Variants in FBLN7 observed in about 807,000 individuals in gnomAD.
The protein encoded by FBLN7 is fibulin-7.
FBLN7 carries 31 observed loss-of-function variants against 44.0 expected under a neutral mutation model. The observed-to-expected ratio is 0.70, with a 90% confidence interval of 0.53 to 0.95. The LOEUF is 0.95. FBLN7 is among the 40% of genes least tolerant of loss of function. The probability of loss-of-function intolerance (pLI) is 0.00; values close to 1 mark genes in which losing one functional copy is unlikely to be tolerated. For synonymous variants in FBLN7, 262 were observed against 253.4 expected, an observed-to-expected ratio of 1.03 and a Z score of -0.32; for missense variants, 573 against 618.5, an observed-to-expected ratio of 0.93 and a Z score of 0.78.
chr2:112,225,383 T>G, the FBLN7 span, among the ~76,000 whole-genome samples: 1 of 151,976 alleles, frequency 6.6e-6, no homozygotes, highest in East Asian at 1.9e-4. Flanking sequence ...GAGGCTTAGG[T>G]AGAAGGATTG....
intron 5 of FBLN7, 26 bp downstream of exon 5, chr2:112,181,902 T>G: frequency 6.5e-7 from 1 of 1,532,696 alleles, no homozygotes; most frequent in Non-Finnish European, 8.7e-7. Context: ...GCCAGGACAC[T>G]GGGGACAGCA....
chr2:112,150,799 C>T (rs1681121165), intron 1 of FBLN7, among the ~76,000 whole-genome samples: 1 of 152,186 alleles, frequency 6.6e-6, no homozygotes, highest in South Asian at 2.1e-4. Context: ...AGGTCCATAA[C>T]AAATGCTAAA....
intron 3 of FBLN7, among the ~76,000 whole-genome samples, chr2:112,174,945 T>C (rs1489174168): frequency 1.3e-5 from 2 of 152,054 alleles, no homozygotes; most frequent in Non-Finnish European, 2.9e-5. Context: ...ATGATTATTA[T>C]GGGAAAAGGG....
chr2:112,170,242 C>CAAACA (rs1001852614), intron 3 of FBLN7, among the ~76,000 whole-genome samples: 6 of 145,772 alleles, frequency 4.1e-5, no homozygotes, highest in East Asian at 2.0e-4. Flanking sequence ...AACTCCATCT[C>CAAACA]AAACAAAACA....
chr2:112,214,945 A>T, the FBLN7 span: 1 of 152,048 alleles, frequency 6.6e-6, no homozygotes, highest in East Asian at 1.9e-4. Context: ...TTTTTAACCT[A>T]CTCTATTTGA....
chr2:112,207,336 A>C, the FBLN7 span, among the ~76,000 whole-genome samples: 1 of 152,046 alleles, frequency 6.6e-6, no homozygotes, highest in Non-Finnish European at 1.5e-5. Context: ...GTGTGGTGGC[A>C]GGCACCTGTA....
At chr2:112,238,513 T>C in the FBLN7 span, 4 of 1,609,688 alleles carry the variant, frequency 2.5e-6, no homozygotes, top group South Asian at 2.2e-5. Context: ...TTTGGTGATA[T>C]TGCAGAGTGT....
the FBLN7 span, among the ~76,000 whole-genome samples, chr2:112,201,988 G>A: frequency 1.3e-5 from 2 of 152,186 alleles, no homozygotes; most frequent in Non-Finnish European, 2.9e-5. Flanking sequence ...ATATTATTAT[G>A]TAACAAATAT....
chr2:112,160,756 ACACGCACGCACACGCAGACGCACACG>A (rs1558880125), intron 2 of FBLN7, among the ~76,000 whole-genome samples: 1 of 85,574 alleles, frequency 1.2e-5, no homozygotes, highest in East Asian at 2.3e-4. Context: ...GCGCACGCAC[ACACGCACGCACACGCAGACGCACACG>A]CACGCACACG....
At chr2:112,145,119 G>C (rs1680842658) in intron 1 of FBLN7, among the ~76,000 whole-genome samples, 1 of 152,136 alleles carries the variant, frequency 6.6e-6, no homozygotes, top group South Asian at 2.1e-4. Context: ...GGGTTGATTT[G>C]TTTTTCTCCA....
chr2:112,195,366 G>A, the FBLN7 span, among the ~76,000 whole-genome samples: 45 of 152,144 alleles, frequency 3.0e-4, 2 homozygotes, highest in Non-Finnish European at 7.3e-5. Context: ...TGGCACTTAC[G>A]CAATAGCTTG....
At chr2:112,234,195 T>C in the FBLN7 span, 3 of 1,610,168 alleles carry the variant, frequency 1.9e-6, no homozygotes, top group African/African-American at 1.3e-5. Flanking sequence ...GGTTGATGAA[T>C]GCCTGACTCA....
At chr2:112,226,345 T>C in the FBLN7 span, among the ~76,000 whole-genome samples, 130 of 151,864 alleles carry the variant, frequency 8.6e-4, no homozygotes, top group African/African-American at 2.9e-3. Context: ...TCCCAGCACT[T>C]TGGGAGGCTG....
In FBLN7 at chr2:112,157,673, G is replaced by C. The variant is rs142524641; in HGVS notation, c.76-2003G>C. ...AGGGTCTCACTCTGTCACCAAAGCT[G>C]AGTACAGTTGTGCAATCATGACTCA... On this transcript the variant is annotated intron_variant, in intron 1 of 7. Transcript: ENST00000331203. Among the ~76,000 whole-genome samples, 365 of 152,288 alleles carry C rather than the reference G, an allele frequency of 2.4e-3. 1 individual carries two copies. The highest frequency in any genetic ancestry group is 3.2e-3 in the Admixed American group (49 of 15,288).
intron 2 of FBLN7, among the ~76,000 whole-genome samples, chr2:112,161,893 T>G (rs1681892608): frequency 6.6e-6 from 1 of 152,256 alleles, no homozygotes; most frequent in South Asian, 2.1e-4. Context: ...AGGCTGATCC[T>G]GTGACAGCCC....
chr2:112,143,532 A>C (rs552619367), intron 1 of FBLN7, among the ~76,000 whole-genome samples: 77 of 152,320 alleles, frequency 5.1e-4, no homozygotes, highest in African/African-American at 1.7e-3. Context: ...AAATAAAAAT[A>C]AATGTTGTTC....
At chr2:112,215,275 C>T in the FBLN7 span, 2 of 152,130 alleles carry the variant, frequency 1.3e-5, no homozygotes, top group African/African-American at 4.8e-5. Flanking sequence ...AGTGCCTTGC[C>T]CACCTCCCGA....
chr2:112,216,320 G>C, the FBLN7 span: 1 of 152,300 alleles, frequency 6.6e-6, no homozygotes, highest in African/African-American at 2.4e-5. Flanking sequence ...CCAGCTCTCT[G>C]TCCCATCCAT....
the FBLN7 span, chr2:112,233,466 C>T: frequency 3.8e-6 from 3 of 796,814 alleles, no homozygotes; most frequent in Non-Finnish European, 6.1e-6. Flanking sequence ...GCAAATGATT[C>T]CAGAAAGAAC....
Sources: allele counts gnomAD v4.1 joint callset (sites outside exome capture counted in the v4.1 genomes callset), GRCh38; gene constraint gnomAD v4.1.1; transcripts MANE v1.5; gene names NCBI Gene and HGNC (gene_info 2026-07-23, HGNC 2026-07-21).